The following GABRG3 variants were observed in gnomAD, a reference collection of about 807,000 sequenced individuals.
The protein encoded by GABRG3 is gamma-aminobutyric acid type A receptor subunit gamma3.
Under a neutral mutation model 48.8 loss-of-function variants are expected in GABRG3, and 25 were observed. That is an observed-to-expected ratio of 0.51 (90% CI 0.37 to 0.72). The LOEUF is 0.72. Ranked by LOEUF, GABRG3 falls within the 30% of genes least tolerant of loss-of-function variation. The probability of loss-of-function intolerance (pLI) is 0.00; values close to 1 mark genes in which losing one functional copy is unlikely to be tolerated. For synonymous variants in GABRG3, 227 were observed against 217.6 expected (o/e 1.04, Z -0.38); for missense variants, 394 against 577.9 (o/e 0.68, Z 3.26).
chr15:27,404,572 C>G (rs922596473), intron 5 of GABRG3, among the ~76,000 whole-genome samples: 2 of 152,204 alleles, frequency 1.3e-5, no homozygotes, highest in African/African-American at 4.8e-5. Context: ...GGTTAATGGA[C>G]ATTGTCTGCT....
chr15:27,140,038 G>A lies in GABRG3; in HGVS notation c.270+113217G>A, dbSNP rs185327872. On this transcript the variant is annotated intron_variant, in intron 3 of 9. Coordinates refer to ENST00000615808, the MANE Select transcript of GABRG3 (RefSeq NM_033223.5). ...GGCAGGTGCCAGGGAGGGCTCGGAA[G>A]CTCCACTTCCTCCCACAGGCCTTGC... Among the ~76,000 whole-genome samples the A allele has an allele frequency of 2.3e-3, 350 of 152,336 alleles. 1 individual carries two copies. Among genetic ancestry groups the A allele is most frequent in the African/African-American group, 8.1e-3 (336 of 41,580 alleles).
chr15:27,150,451 C>T (rs190927725), intron 3 of GABRG3, among the ~76,000 whole-genome samples: 64 of 152,058 alleles, frequency 4.2e-4, no homozygotes, highest in African/African-American at 1.4e-3. Context: ...AAATGTATTC[C>T]GTAGGCAATA....
chr15:27,253,033 G>A (rs1595614945), intron 3 of GABRG3, among the ~76,000 whole-genome samples: 1 of 152,150 alleles, frequency 6.6e-6, no homozygotes, highest in Non-Finnish European at 1.5e-5. Context: ...TCCGGGCTGC[G>A]CCTTGCACGT....
At chr15:26,985,833 C>A (rs1895141180) in intron 2 of GABRG3, among the ~76,000 whole-genome samples, 1 of 152,130 alleles carries the variant, frequency 6.6e-6, no homozygotes, top group Non-Finnish European at 1.5e-5. Context: ...ATACAATAGT[C>A]CTTCATCCTG....
chr15:27,366,585 C>G (rs557248213), intron 5 of GABRG3, among the ~76,000 whole-genome samples: 1 of 152,226 alleles, frequency 6.6e-6, no homozygotes, highest in East Asian at 1.9e-4. Flanking sequence ...GTTCTGCTGG[C>G]TAACATGCAT....
intron 3 of GABRG3, among the ~76,000 whole-genome samples, chr15:27,165,191 C>T (rs888008082): frequency 4.6e-5 from 7 of 152,110 alleles, no homozygotes; most frequent in Non-Finnish European, 1.0e-4. Context: ...TTCCTTTTTG[C>T]CTGATATGAG....
chr15:27,380,802 GT>G (rs1895746472), intron 5 of GABRG3, among the ~76,000 whole-genome samples: 2 of 138,164 alleles, frequency 1.4e-5, no homozygotes, highest in African/African-American at 5.4e-5. Flanking sequence ...GTCTCACTCT[GT>G]TGCCCAGGCT....
At chr15:26,989,066 C>G (rs1895201330) in intron 2 of GABRG3, among the ~76,000 whole-genome samples, 1 of 152,120 alleles carries the variant, frequency 6.6e-6, no homozygotes, top group Non-Finnish European at 1.5e-5. Context: ...GGTAGTCACT[C>G]CACATTATCC....
chr15:27,356,634 T>C (rs1432158493), intron 5 of GABRG3, among the ~76,000 whole-genome samples: 1 of 152,162 alleles, frequency 6.6e-6, no homozygotes, highest in Non-Finnish European at 1.5e-5. Context: ...AAATAAAGGA[T>C]CATTGTTAAG....
At chr15:27,039,305 T>A (rs765382446) in intron 3 of GABRG3, among the ~76,000 whole-genome samples, 2 of 152,198 alleles carry the variant, frequency 1.3e-5, no homozygotes, top group Non-Finnish European at 2.9e-5. Context: ...CACAGGATCT[T>A]TGTCACATTG....
chr15:27,107,477 AAAC>A (rs1447807407), intron 3 of GABRG3, among the ~76,000 whole-genome samples: 1 of 152,024 alleles, frequency 6.6e-6, no homozygotes, highest in African/African-American at 2.4e-5. Flanking sequence ...GCTTTATGAA[AAAC>A]GTGGATCTCT....
rs535522380 is a variant in GABRG3, at chr15:27,423,050, G to T, written c.575-57600G>T. ...GCCAGTGTGAACCTGGGGGTCCAGG[G>T]CTTTTATAAAGGGCTGGCCACAGAG... On this transcript the variant is annotated intron_variant, in intron 5 of 9. Transcript: ENST00000615808. 8.6e-5 allele frequency among the ~76,000 whole-genome samples: 13 copies of T among 151,796 alleles called. No homozygotes were observed. In the South Asian group the frequency reaches 2.5e-3, roughly 29 times the overall value.
At chr15:26,978,860 C>T (rs532905743) in intron 2 of GABRG3, among the ~76,000 whole-genome samples, 1 of 152,154 alleles carries the variant, frequency 6.6e-6, no homozygotes, top group Non-Finnish European at 1.5e-5. Context: ...TTCTCTGTAA[C>T]TACAGAAAAA....
intron 3 of GABRG3, among the ~76,000 whole-genome samples, chr15:27,203,153 A>G (rs1410614379): frequency 9.2e-5 from 14 of 152,102 alleles, no homozygotes; most frequent in Non-Finnish European, 1.8e-4. Context: ...CATCCAAGGA[A>G]TCAGCATAGT....
At chr15:27,077,425 C>T (rs1363434487) in intron 3 of GABRG3, among the ~76,000 whole-genome samples, 3 of 152,110 alleles carry the variant, frequency 2.0e-5, no homozygotes, top group African/African-American at 7.2e-5. Context: ...AGCAGCTGGA[C>T]TCTTACTCTC....
intron 6 of GABRG3, among the ~76,000 whole-genome samples, chr15:27,503,124 C>G (rs1273688811): frequency 6.6e-6 from 1 of 152,232 alleles, no homozygotes; most frequent in East Asian, 1.9e-4. Context: ...CTTGGTCTTT[C>G]AAGTGACCAG....
intron 5 of GABRG3, among the ~76,000 whole-genome samples, chr15:27,442,535 G>A (rs571771647): frequency 2.4e-4 from 37 of 152,266 alleles, no homozygotes; most frequent in South Asian, 1.0e-3. Flanking sequence ...CAGCATACAC[G>A]CATCCTAGTC....
chr15:27,211,322 A>T (rs6422904), intron 3 of GABRG3, among the ~76,000 whole-genome samples: 1 of 152,066 alleles, frequency 6.6e-6, no homozygotes, highest in Non-Finnish European at 1.5e-5. Context: ...GAACTGTGAA[A>T]CCATTTACAA....
chr15:27,530,680 C>T (rs746819842), intron 9 of GABRG3: 48 of 470,982 alleles, frequency 1.0e-4, no homozygotes, highest in African/African-American at 6.8e-4. Context: ...GAGCCATCCC[C>T]GCATCAGCAG....
Sources: allele counts gnomAD v4.1 joint callset (sites outside exome capture counted in the v4.1 genomes callset), GRCh38; gene constraint gnomAD v4.1.1; transcripts MANE v1.5; gene names NCBI Gene and HGNC (gene_info 2026-07-23, HGNC 2026-07-21).